NSMCE2: variants seen among roughly 807,000 people sequenced by gnomAD.
NSMCE2 encodes the protein E3 SUMO-protein ligase NSE2.
A neutral mutation model predicts 23.8 loss-of-function variants in NSMCE2; 24 were observed. The ratio of observed to expected loss-of-function variants is 1.01; its 90% CI spans 0.73 to 1.42. The LOEUF (loss-of-function observed/expected upper bound fraction) is 1.42. Ranked by LOEUF, NSMCE2 falls within the 40% of genes most tolerant of loss-of-function variation. The pLI, the probability that NSMCE2 is intolerant of heterozygous loss-of-function variation, is 0.00. For missense variants in NSMCE2, 284 were observed against 296.5 expected (o/e 0.96, Z 0.31); for synonymous variants, 92 against 94.1 (o/e 0.98, Z 0.13).
At chr8:125,310,240 G>A (rs1160995545) in intron 5 of NSMCE2, among the ~76,000 whole-genome samples, 1 of 152,144 alleles carries the variant, frequency 6.6e-6, no homozygotes, top group Non-Finnish European at 1.5e-5. Context: ...ACTCAGACTA[G>A]AGTCAGACAG....
chr8:125,358,725 T>C (rs942521761), intron 7 of NSMCE2, among the ~76,000 whole-genome samples: 2 of 152,206 alleles, frequency 1.3e-5, no homozygotes, highest in East Asian at 1.9e-4. Context: ...CTTTGATGTG[T>C]GGCTTGCTTC....
At chr8:125,350,907 C>T (rs1239277655) in intron 5 of NSMCE2, among the ~76,000 whole-genome samples, 1 of 152,068 alleles carries the variant, frequency 6.6e-6, no homozygotes, top group East Asian at 1.9e-4. Flanking sequence ...TGTGGCCCTT[C>T]GTGAGGGACA....
chr8:125,184,168 A>G (rs2130808456), intron 5 of NSMCE2, among the ~76,000 whole-genome samples: 1 of 152,310 alleles, frequency 6.6e-6, no homozygotes, highest in South Asian at 2.1e-4. Context: ...ATTTTATAAT[A>G]CAGGTTGAAG....
At chr8:125,217,078 G>A (rs1450059406) in intron 5 of NSMCE2, among the ~76,000 whole-genome samples, 1 of 152,152 alleles carries the variant, frequency 6.6e-6, no homozygotes, top group Non-Finnish European at 1.5e-5. Context: ...TGTGCTAGAT[G>A]CTTTCAATAG....
At chr8:125,098,365 A>G (rs1818034320) in intron 1 of NSMCE2, among the ~76,000 whole-genome samples, 1 of 152,172 alleles carries the variant, frequency 6.6e-6, no homozygotes, top group Admixed American at 6.5e-5. Flanking sequence ...CATTTGGAGA[A>G]CCACTATTGT....
chr8:125,171,112 T>C (rs1438695329), intron 4 of NSMCE2, among the ~76,000 whole-genome samples: 2 of 152,206 alleles, frequency 1.3e-5, no homozygotes, highest in Admixed American at 6.5e-5. Context: ...GGTTCAGATG[T>C]CGTCTTTTCA....
chr8:125,163,032 A>C (rs1282738330), intron 4 of NSMCE2, among the ~76,000 whole-genome samples: 1 of 152,190 alleles, frequency 6.6e-6, no homozygotes, highest in African/African-American at 2.4e-5. Context: ...CTTAAAGTTG[A>C]ATATCTGTAT....
At chr8:125,200,668 C>T (rs1823831407) in intron 5 of NSMCE2, among the ~76,000 whole-genome samples, 1 of 152,046 alleles carries the variant, frequency 6.6e-6, no homozygotes, top group Admixed American at 6.5e-5. Flanking sequence ...TTGCTCTTCT[C>T]GAGGAGTATC....
chr8:125,342,621 C>T (rs1210804386), intron 5 of NSMCE2, among the ~76,000 whole-genome samples: 1 of 151,848 alleles, frequency 6.6e-6, no homozygotes, highest in African/African-American at 2.4e-5. Context: ...TTAGCTCCTT[C>T]CTTCCCTCCT....
At chr8:125,256,415 A>G (rs746637435) in intron 5 of NSMCE2, among the ~76,000 whole-genome samples, 13 of 152,186 alleles carry the variant, frequency 8.5e-5, no homozygotes, top group Non-Finnish European at 1.6e-4. Context: ...AAGGAGGAGG[A>G]TAATGCAGGG....
At chr8:125,203,949 C>T (rs1185733545) in intron 5 of NSMCE2, among the ~76,000 whole-genome samples, 1 of 152,106 alleles carries the variant, frequency 6.6e-6, no homozygotes, top group Non-Finnish European at 1.5e-5. Flanking sequence ...GTTTACTTTC[C>T]TATGGGATTC....
rs1343445385 is a variant in NSMCE2, at chr8:125,357,105, A to G, written c.419-114A>G. 8 of 674,176 alleles carry G rather than the reference A, an allele frequency of 1.2e-5. No homozygotes were observed. The African/African-American group carries it at 1.4e-4, about 12-fold the overall frequency. 41.8% of individuals were successfully genotyped at this position (674,176 alleles called of 1,614,324 possible). On this transcript the variant is annotated intron_variant, in intron 5 of 7. Coordinates refer to ENST00000287437, the MANE Select transcript of NSMCE2 (RefSeq NM_173685.4). ...GAGTTTCTATGCATCCAGTCCTTAC[A>G]TGGGGGCCAACAGCAAATGCTCCCC...
At chr8:125,215,386 G>A (rs1824535397) in intron 5 of NSMCE2, among the ~76,000 whole-genome samples, 1 of 151,060 alleles carries the variant, frequency 6.6e-6, no homozygotes, top group South Asian at 2.1e-4. Flanking sequence ...ATTTTTTATG[G>A]CTGCATAGTA....
rs185855111 is a variant in NSMCE2, at chr8:125,192,042, A to G, written c.418+9786A>G. On this transcript the variant is annotated intron_variant, in intron 5 of 7. Transcript: ENST00000287437. ...GTTATCAAGGGACAAATGAGTCAGC[A>G]GCAAGTTTAAACACAAACTGTGAAC... Among the ~76,000 whole-genome samples, 5 of 152,334 alleles carry G rather than the reference A, an allele frequency of 3.3e-5. No homozygotes were observed. The East Asian group carries it at 9.6e-4, about 29-fold the overall frequency.
At chr8:125,310,792 A>C (rs1828947425) in intron 5 of NSMCE2, among the ~76,000 whole-genome samples, 1 of 152,196 alleles carries the variant, frequency 6.6e-6, no homozygotes, top group Non-Finnish European at 1.5e-5. Context: ...TCATTTACCG[A>C]GGAGTATAAT....
chr8:125,292,862 A>G (rs1013085640), intron 5 of NSMCE2, among the ~76,000 whole-genome samples: 1 of 152,228 alleles, frequency 6.6e-6, no homozygotes, highest in Non-Finnish European at 1.5e-5. Flanking sequence ...ATCAAAGCTT[A>G]TAATCATCTC....
At chr8:125,152,564 A>T (rs1389068129) in intron 4 of NSMCE2, among the ~76,000 whole-genome samples, 1 of 152,224 alleles carries the variant, frequency 6.6e-6, no homozygotes, top group African/African-American at 2.4e-5. Flanking sequence ...TACATGGATC[A>T]ATCTTGCTTT....
Position 125,102,155 on chromosome 8 carries a change from C to T in NSMCE2, c.-15+9C>T. ...TGTGTTTGGTGGCCCAGGTGAGTGGCACAGTGATTTGGTGTCTTCTCTATA... is the reference window on the plus strand; with the variant it reads ...TGTGTTTGGTGGCCCAGGTGAGTGGTACAGTGATTTGGTGTCTTCTCTATA... On this transcript the variant is annotated intron_variant, in intron 2 of 7. Coordinates refer to ENST00000287437, the MANE Select transcript of NSMCE2 (RefSeq NM_173685.4). 1.7e-6 allele frequency: 1 copy of T among 573,808 alleles called. No individual in the cohort carries two copies. Among genetic ancestry groups the T allele is most frequent in the South Asian group, 2.2e-5 (1 of 45,120 alleles). The allele number at this position is 573,808 out of a possible 1,614,324, so 35.5% of individuals were successfully genotyped here.
Position 125,298,702 on chromosome 8 carries a change from T to G in NSMCE2, c.419-58517T>G, listed in dbSNP as rs1334802109. On this transcript the variant is annotated intron_variant, in intron 5 of 7. Transcript: ENST00000287437. ...TCATCTGTGGGTTTTTTTTTGTTTT[T>G]TTTTTTTTTTCCCCAGTTTAGGTCT... is the stretch of plus-strand genomic sequence containing the variant. Among the ~76,000 whole-genome samples, 10 of 151,506 alleles carry G rather than the reference T, an allele frequency of 6.6e-5. No homozygotes were observed. In the South Asian group the frequency reaches 1.0e-3, roughly 16 times the overall value.
Sources: allele counts gnomAD v4.1 joint callset (sites outside exome capture counted in the v4.1 genomes callset), GRCh38; gene constraint gnomAD v4.1.1; transcripts MANE v1.5; gene names NCBI Gene and HGNC (gene_info 2026-07-23, HGNC 2026-07-21).